The following SPAG1 variants were observed in gnomAD, a reference collection of about 807,000 sequenced individuals.
The protein encoded by SPAG1 is sperm-associated antigen 1.
A neutral mutation model predicts 100.5 loss-of-function variants in SPAG1; 69 were observed. The ratio of observed to expected loss-of-function variants is 0.69; its 90% CI spans 0.57 to 0.84. The LOEUF is 0.84. SPAG1 is among the 40% of genes least tolerant of loss of function. SPAG1 has a pLI of 0.00. For synonymous variants in SPAG1, 336 were observed against 411.6 expected (o/e 0.82, Z 2.22); for missense variants, 955 against 1,133.1 (o/e 0.84, Z 2.26).
At chr8:100,240,131 C>T (rs986055972) in intron 17 of SPAG1, among the ~76,000 whole-genome samples, 1 of 152,074 alleles carries the variant, frequency 6.6e-6, no homozygotes, top group Non-Finnish European at 1.5e-5. Flanking sequence ...ATAAAATTGA[C>T]ATAGGCATTT....
intron 14 of SPAG1, among the ~76,000 whole-genome samples, chr8:100,229,358 T>C (rs934715568): frequency 1.3e-4 from 20 of 151,924 alleles, no homozygotes; most frequent in African/African-American, 4.6e-4. Flanking sequence ...AGGTGGAGCT[T>C]GCAGTGAGCT....
chr8:100,168,600 A>ATGTTGTC (rs1196236643), intron 3 of SPAG1, among the ~76,000 whole-genome samples: 1 of 146,982 alleles, frequency 6.8e-6, no homozygotes, highest in Non-Finnish European at 1.5e-5. Flanking sequence ...GGGCTTCACT[A>ATGTTGTC]TGTTGTCCAG....
At chr8:100,231,384 A>G (rs1387333694) in intron 15 of SPAG1, 96 bp downstream of exon 15, 2 of 868,576 alleles carry the variant, frequency 2.3e-6, no homozygotes, top group African/African-American at 3.4e-5. Flanking sequence ...AGTAATTGCC[A>G]AAGTTTTTTG....
At chr8:100,182,580 T>C (rs1212891659) in intron 4 of SPAG1, among the ~76,000 whole-genome samples, 1 of 152,180 alleles carries the variant, frequency 6.6e-6, no homozygotes, top group African/African-American at 2.4e-5. Context: ...AATCCCCTCA[T>C]CCAGCAGCAC....
chr8:100,220,455 T>TAAAA, intron 13 of SPAG1, 24 bp downstream of exon 13: 1 of 1,594,342 alleles, frequency 6.3e-7, no homozygotes, highest in Non-Finnish European at 8.5e-7. Flanking sequence ...GGCAGCTACC[T>TAAAA]AAAATCTAGT....
At chr8:100,166,352 A>G (rs1281770650) in intron 3 of SPAG1, among the ~76,000 whole-genome samples, 1 of 151,668 alleles carries the variant, frequency 6.6e-6, no homozygotes, top group Non-Finnish European at 1.5e-5. Flanking sequence ...TCTGCCTCCC[A>G]GGTTCAAGTG....
chr8:100,222,676 A>G (rs895242660), intron 13 of SPAG1, among the ~76,000 whole-genome samples: 1 of 152,218 alleles, frequency 6.6e-6, no homozygotes, highest in African/African-American at 2.4e-5. Flanking sequence ...AAGTCTAATT[A>G]ATAGTAGGCT....
intron 15 of SPAG1, 86 bp from the exon 16 acceptor site, chr8:100,233,325 A>G (rs917244228): frequency 6.2e-6 from 9 of 1,442,284 alleles, no homozygotes; most frequent in Non-Finnish European, 8.6e-6. Context: ...ATATTGAGCT[A>G]TTTTCTGATT....
At chr8:100,199,427 A>G (rs1006634460) in intron 10 of SPAG1, among the ~76,000 whole-genome samples, 1 of 152,114 alleles carries the variant, frequency 6.6e-6, no homozygotes, top group Non-Finnish European at 1.5e-5. Flanking sequence ...AGAAATGTCT[A>G]TTCAAGTTCT....
chr8:100,218,445 A>G (rs1818110112), intron 12 of SPAG1, among the ~76,000 whole-genome samples: 1 of 152,182 alleles, frequency 6.6e-6, no homozygotes, highest in Non-Finnish European at 1.5e-5. Context: ...AGGTAGTCAC[A>G]TGGTTGTGAC....
At chr8:100,163,298 G>T (rs1815400450) in intron 2 of SPAG1, among the ~76,000 whole-genome samples, 1 of 152,222 alleles carries the variant, frequency 6.6e-6, no homozygotes, top group Non-Finnish European at 1.5e-5. Context: ...TTTAACAATG[G>T]AGCTGGCTGA....
intron 1 of SPAG1, among the ~76,000 whole-genome samples, chr8:100,161,187 A>G (rs1815290454): frequency 1.3e-5 from 2 of 152,020 alleles, no homozygotes; most frequent in African/African-American, 4.8e-5. Context: ...AAAAAAATCT[A>G]AGAGAAATTA....
intron 2 of SPAG1, among the ~76,000 whole-genome samples, chr8:100,164,194 A>G (rs1413448076): frequency 6.6e-6 from 1 of 152,170 alleles, no homozygotes; most frequent in Non-Finnish European, 1.5e-5. Context: ...AAAAAAATTT[A>G]TGAACAGAAA....
In SPAG1 at chr8:100,233,500, C is replaced by A; in HGVS notation, c.2078C>A (p.Ala693Asp). The A allele has an allele frequency of 6.2e-7, 1 of 1,613,596 alleles. No homozygotes were observed. The highest frequency in any genetic ancestry group is 8.5e-7 in the Non-Finnish European group (1 of 1,179,696). ...CAGCTAGCTGATGGGAACGTGAAAG[C>A]CTTCTATAGACGAGCTCTGGCTCAT... ...ALQLADGNVK[A>D]FYRRALAHKG... The change falls in exon 16 of 19, where the codon GCC (alanine) becomes GAC (aspartate). Residue 693 changes from alanine to aspartate, a missense_variant. By Grantham distance (126) the Ala-to-Asp change is moderately radical. Coordinates refer to ENST00000388798, the MANE Select transcript of SPAG1 (RefSeq NM_003114.5).
intron 12 of SPAG1, among the ~76,000 whole-genome samples, chr8:100,215,772 C>T (rs1817957950): frequency 6.6e-6 from 1 of 152,238 alleles, no homozygotes; most frequent in Admixed American, 6.5e-5. Flanking sequence ...GATCCACCCG[C>T]CTCGGCCTCC....
chr8:100,160,064 T>C (rs1274343163), intron 1 of SPAG1, among the ~76,000 whole-genome samples: 4 of 152,234 alleles, frequency 2.6e-5, no homozygotes, highest in Admixed American at 2.6e-4. Flanking sequence ...GTAATATATG[T>C]AAAGTACTTA....
At chr8:100,213,066 C>T in intron 10 of SPAG1, 24 bp from the exon 11 acceptor site, 2 of 1,432,756 alleles carry the variant, frequency 1.4e-6, no homozygotes, top group Non-Finnish European at 9.1e-7. Context: ...CAAACCCTCA[C>T]TTCCCGCATC....
chr8:100,195,970 C>T (rs940486683), intron 10 of SPAG1, among the ~76,000 whole-genome samples: 4 of 152,180 alleles, frequency 2.6e-5, no homozygotes, highest in African/African-American at 9.7e-5. Context: ...ATAAATGGAA[C>T]TGGAAAGTAT....
At chr8:100,228,307 C>T (rs748629443) in intron 14 of SPAG1, among the ~76,000 whole-genome samples, 1 of 150,592 alleles carries the variant, frequency 6.6e-6, no homozygotes, top group Non-Finnish European at 1.5e-5. Flanking sequence ...CATGGTGGCT[C>T]TTGGCAGTAA....
Sources: gnomAD v4.1 joint callset for allele counts (sites outside exome capture counted in the v4.1 genomes callset) on GRCh38, gnomAD v4.1.1 for gene constraint, MANE v1.5 for transcripts, NCBI Gene and HGNC (gene_info 2026-07-23, HGNC 2026-07-21) for gene names.